KCNIP1: variants seen among roughly 807,000 people sequenced by gnomAD.
The protein encoded by KCNIP1 is A-type potassium channel modulatory protein KCNIP1.
Under a neutral mutation model 33.0 loss-of-function variants are expected in KCNIP1, and 18 were observed. The ratio of observed to expected loss-of-function variants is 0.55; its 90% CI spans 0.38 to 0.81. The LOEUF is 0.81. KCNIP1 is among the 30% of genes least tolerant of loss of function. The probability of loss-of-function intolerance (pLI) is 0.00; values close to 1 mark genes in which losing one functional copy is unlikely to be tolerated. For synonymous variants in KCNIP1, 93 were observed against 98.3 expected (o/e 0.95, Z 0.32); for missense variants, 238 against 271.6 (o/e 0.88, Z 0.87).
intron 1 of KCNIP1, among the ~76,000 whole-genome samples, chr5:170,697,703 C>A (rs563663690): frequency 6.6e-6 from 1 of 152,248 alleles, no homozygotes; most frequent in East Asian, 1.9e-4. Flanking sequence ...TTCTTTCTGA[C>A]CCTCATGGCT....
At chr5:170,445,416 A>G (rs6872566) in intron 1 of KCNIP1, among the ~76,000 whole-genome samples, 24,638 of 152,202 alleles carry the variant, frequency 0.16, 2,106 homozygotes, top group East Asian at 0.27. Context: ...GCCTGCCACC[A>G]TGGCTGCGAG....
Position 170,498,829 on chromosome 5 carries a change from T to A in KCNIP1, c.88+144865T>A, listed in dbSNP as rs139712384. Among the ~76,000 whole-genome samples, 1,488 of 152,220 alleles carry A rather than the reference T, an allele frequency of 9.8e-3. 13 individuals are homozygous for A. The highest frequency in any genetic ancestry group is 0.013 in the Non-Finnish European group (891 of 68,012). On this transcript the variant is annotated intron_variant, in intron 1 of 7. Coordinates refer to the KCNIP1 transcript ENST00000377360. ...CCATTCTCACAACAATCCCCTGACA[T>A]GATTGGGTTCATGTTTCACAGATGA...
At chr5:170,588,354 G>T (rs1758074256) in intron 1 of KCNIP1, among the ~76,000 whole-genome samples, 1 of 152,170 alleles carries the variant, frequency 6.6e-6, no homozygotes, top group African/African-American at 2.4e-5. Context: ...TCGCATCAGG[G>T]CCAGTGCTCT....
intron 1 of KCNIP1, among the ~76,000 whole-genome samples, chr5:170,624,285 C>T (rs1456808411): frequency 6.6e-6 from 1 of 152,160 alleles, no homozygotes; most frequent in African/African-American, 2.4e-5. Context: ...GCAGGGGATA[C>T]AGCAGAGACC....
intron 1 of KCNIP1, among the ~76,000 whole-genome samples, chr5:170,477,213 T>C (rs1198948361): frequency 6.6e-6 from 1 of 151,974 alleles, no homozygotes; most frequent in Non-Finnish European, 1.5e-5. Flanking sequence ...TACTTGGACC[T>C]GTAAATTCAC....
chr5:170,386,489 G>C (rs1485233543), intron 1 of KCNIP1, among the ~76,000 whole-genome samples: 1 of 152,176 alleles, frequency 6.6e-6, no homozygotes, highest in Admixed American at 6.5e-5. Context: ...CCCATGCGGT[G>C]AGCGAGCAGT....
chr5:170,409,034 G>A (rs1248097612), intron 1 of KCNIP1, among the ~76,000 whole-genome samples: 1 of 152,226 alleles, frequency 6.6e-6, no homozygotes, highest in Non-Finnish European at 1.5e-5. Context: ...GCAGAGGCGG[G>A]AGGGGCAGTA....
rs553428235 is a variant in KCNIP1 at position 170,607,122 on chromosome 5, G to A, written c.61+102489G>A. 1.5e-4 allele frequency among the ~76,000 whole-genome samples: 23 copies of A among 152,316 alleles called. No individual in the cohort carries two copies. The South Asian group carries it at 1.7e-3, about 11-fold the overall frequency. ...TGCACAGACTAGACAGGACGGCTCC[G>A]TCTGTCGCGCTTCTGTTGGTCTCTC... On this transcript the variant is annotated intron_variant, in intron 1 of 7. Transcript: ENST00000328939.
intron 1 of KCNIP1, chr5:170,420,343 CTCT>C (rs1369116624): frequency 6.6e-6 from 1 of 152,082 alleles, no homozygotes; most frequent in Non-Finnish European, 1.5e-5. Context: ...AATATATGTT[CTCT>C]TCTTTATGAT....
rs766377104 is a variant in KCNIP1, at chr5:170,732,787, G to T, written c.436-13G>T. The T allele has an allele frequency of 5.7e-6, 9 of 1,569,750 alleles. No homozygotes were observed. Among genetic ancestry groups the T allele is most frequent in the Non-Finnish European group, 7.0e-6 (8 of 1,139,710 alleles). On this transcript the variant is annotated splice_polypyrimidine_tract_variant and intron_variant, in intron 5 of 7. Coordinates refer to ENST00000328939, the MANE Select transcript of KCNIP1 (RefSeq NM_014592.4). ...TGGTTTCCACACTGTGTGCTTTTAT[G>T]TCCCTGCTCCAGGAGATGATGGACA...
chr5:170,528,447 C>G (rs919448535), intron 1 of KCNIP1, among the ~76,000 whole-genome samples: 6 of 152,186 alleles, frequency 3.9e-5, no homozygotes, highest in Admixed American at 3.9e-4. Context: ...AGAATGGGCT[C>G]TCCTGCATGG....
intron 1 of KCNIP1, among the ~76,000 whole-genome samples, chr5:170,585,678 G>A (rs1357281960): frequency 6.6e-6 from 1 of 152,186 alleles, no homozygotes; most frequent in Non-Finnish European, 1.5e-5. Context: ...AGAACTTGGG[G>A]CTGATAATGG....
At chr5:170,454,105 G>T (rs1756318999) in intron 1 of KCNIP1, among the ~76,000 whole-genome samples, 1 of 152,236 alleles carries the variant, frequency 6.6e-6, no homozygotes, top group Non-Finnish European at 1.5e-5. Context: ...AGGTTAGCTA[G>T]CTCCAGATTT....
chr5:170,703,821 T>C (rs1379088448), intron 1 of KCNIP1, among the ~76,000 whole-genome samples: 2 of 137,844 alleles, frequency 1.5e-5, no homozygotes, highest in African/African-American at 2.7e-5. Context: ...TTTTAGCAAA[T>C]AATGAGCACT....
At chr5:170,353,578 C>T in exon 1 of KCNIP1, 3 of 497,464 alleles carry the variant, frequency 6.0e-6, no homozygotes, top group Non-Finnish European at 1.1e-5. Flanking sequence ...CCTTGGAGTA[C>T]CTTGTGCCCC....
chr5:170,671,023 G>A (rs1761901623), intron 1 of KCNIP1, among the ~76,000 whole-genome samples: 1 of 151,998 alleles, frequency 6.6e-6, no homozygotes, highest in African/African-American at 2.4e-5. Flanking sequence ...GGTCCTTTAG[G>A]CATTAACACC....
At chr5:170,513,850 C>A (rs141411061) in intron 1 of KCNIP1, among the ~76,000 whole-genome samples, 22 of 152,176 alleles carry the variant, frequency 1.4e-4, no homozygotes, top group African/African-American at 5.3e-4. Flanking sequence ...AGTCAAATGC[C>A]TTTTCCAGGG....
At position 170,682,791 on chromosome 5, in the gene KCNIP1, T is replaced by TTTTC. The variant is rs1299176801; in HGVS notation, c.62-35964_62-35963insCTTT. On this transcript the variant is annotated intron_variant, in intron 1 of 7. Coordinates refer to ENST00000328939, the MANE Select transcript of KCNIP1 (RefSeq NM_014592.4). The stretch of plus-strand genomic sequence containing the variant: ...GTCCTATTTTCTTTGTTTCTTTTTT[T>TTTTC]TTTTTTTTTTTTTTTTTTGATGAGA... Among the ~76,000 whole-genome samples the TTTTC allele has an allele frequency of 8.5e-5, 11 of 129,884 alleles. 1 individual carries two copies. Among genetic ancestry groups the TTTTC allele is most frequent in the Admixed American group, 2.4e-4 (3 of 12,698 alleles). 85.2% of individuals were successfully genotyped at this position (129,884 alleles called of 152,430 possible). A position where few individuals can be genotyped will look rare whatever the true frequency, so the allele number is the denominator to read the frequency against.
intron 1 of KCNIP1, chr5:170,383,744 CGTT>C (rs750658244): frequency 6.2e-7 from 1 of 1,614,198 alleles, no homozygotes; most frequent in African/African-American, 1.3e-5. Context: ...GCAGCTGACA[CGTT>C]GACCCACAGG....
Sources: gnomAD v4.1 joint callset for allele counts (sites outside exome capture counted in the v4.1 genomes callset) on GRCh38, gnomAD v4.1.1 for gene constraint, MANE v1.5 for transcripts, NCBI Gene and HGNC (gene_info 2026-07-23, HGNC 2026-07-21) for gene names.